SSR1: variants seen among roughly 807,000 people sequenced by gnomAD.
SSR1 encodes signal sequence receptor subunit 1.
SSR1 carries 13 observed loss-of-function variants against 36.1 expected under a neutral mutation model. That is an observed-to-expected ratio of 0.36 (90% confidence interval 0.23 to 0.57). The LOEUF (loss-of-function observed/expected upper bound fraction) is 0.57, where lower values mean the gene tolerates loss of function less well. Ranked by LOEUF, SSR1 falls within the 20% of genes least tolerant of loss-of-function variation. The probability of loss-of-function intolerance (pLI) is 0.81; values close to 1 mark genes in which losing one functional copy is unlikely to be tolerated. For missense variants in SSR1, 291 were observed against 338.5 expected, an observed-to-expected ratio of 0.86 and a Z score of 1.10; for synonymous variants, 113 against 118.9, an observed-to-expected ratio of 0.95 and a Z score of 0.32.
At position 7,289,989 on chromosome 6, in the gene SSR1, A is replaced by T. The variant is rs1302383147; in HGVS notation, c.794-58T>A. On this transcript the variant is annotated intron_variant, in intron 7 of 7. Transcript: ENST00000244763. ...ATTATAAGTATATTGAATTCAAAAG[A>T]CATGTTAAAAAGTATTTACCTTCAA... 4.6e-5 allele frequency: 66 copies of T among 1,421,554 alleles called. 2 individuals carry two copies. The highest frequency in any genetic ancestry group is 2.4e-4 in the South Asian group (17 of 69,656). 88.1% of individuals were successfully genotyped at this position (1,421,554 alleles called of 1,614,324 possible).
chr6:7,293,902 AG>A (rs1233252933), intron 7 of SSR1, among the ~76,000 whole-genome samples: 1 of 152,228 alleles, frequency 6.6e-6, no homozygotes, highest in Non-Finnish European at 1.5e-5. Flanking sequence ...CAAATGAAAC[AG>A]TAAGACACTC....
intron 2 of SSR1, among the ~76,000 whole-genome samples, chr6:7,306,337 G>A (rs933449478): frequency 5.9e-5 from 9 of 151,890 alleles, no homozygotes; most frequent in African/African-American, 1.9e-4. Context: ...TAGAGACAGG[G>A]TTTCACCATG....
chr6:7,303,648 G>A lies in SSR1; in HGVS notation c.193-11C>T. 6.3e-7 allele frequency: 1 copy of A among 1,587,044 alleles called. No individual in the cohort carries two copies. ...CTCTTTATCTTCTACCTAAGAAAAAGAACAATTAAGAGGAGATTACTATGG... is the reference window on the plus strand; with the variant it reads ...CTCTTTATCTTCTACCTAAGAAAAAAAACAATTAAGAGGAGATTACTATGG... On this transcript the variant is annotated splice_polypyrimidine_tract_variant and intron_variant, in intron 2 of 7. Transcript: ENST00000244763.
rs1027066660 is a variant in SSR1, at chr6:7,289,595, C to T, written c.*269G>A. On this transcript the variant is annotated 3_prime_UTR_variant, in exon 8 of 8. Transcript: ENST00000244763. ...TAAAGACTTGTTTCAGGTAGTTCAA[C>T]AATGATTCTGGTAAGACCAACTGCT... 2 of 450,662 alleles carry T rather than the reference C, an allele frequency of 4.4e-6. No homozygotes were observed. The highest frequency in any genetic ancestry group is 7.8e-6 in the Non-Finnish European group (2 of 257,390). 27.9% of individuals were successfully genotyped at this position (450,662 alleles called of 1,614,324 possible). A position where few individuals can be genotyped will look rare whatever the true frequency, so the allele number is the denominator to read the frequency against.
At chr6:7,299,155 A>C (rs915738987) in intron 4 of SSR1, among the ~76,000 whole-genome samples, 1 of 152,178 alleles carries the variant, frequency 6.6e-6, no homozygotes, top group African/African-American at 2.4e-5. Context: ...AAAAAAAGTC[A>C]CCGACTTTGC....
intron 1 of SSR1, among the ~76,000 whole-genome samples, chr6:7,310,363 G>T (rs1012477902): frequency 5.9e-5 from 9 of 151,948 alleles, no homozygotes; most frequent in Admixed American, 2.6e-4. Context: ...GGGTAGCTAG[G>T]ACTAGAGGCG....
intron 7 of SSR1, among the ~76,000 whole-genome samples, chr6:7,293,819 G>A (rs982833886): frequency 2.0e-5 from 3 of 152,196 alleles, no homozygotes; most frequent in African/African-American, 7.2e-5. Flanking sequence ...AACCCAAGCA[G>A]TTCAAACCTG....
chr6:7,309,164 T>C (rs1375586504), intron 2 of SSR1, among the ~76,000 whole-genome samples: 1 of 152,232 alleles, frequency 6.6e-6, no homozygotes, highest in Non-Finnish European at 1.5e-5. Flanking sequence ...TGTATAAGGA[T>C]AAGCTCTAGG....
rs1352013436 is a variant in SSR1, at chr6:7,282,602, T to C, written c.*7262A>G. 2.6e-5 allele frequency: 4 copies of C among 152,270 alleles called. No homozygotes were observed. The East Asian group carries it at 7.7e-4, about 29-fold the overall frequency. 9.4% of individuals were successfully genotyped at this position (152,270 alleles called of 1,614,324 possible). ...AGCCTGTGTGGTCACAGATGCTTACTGGTGGTTCCTGAAATGAGTATTTCT... is the reference window on the plus strand; with the variant it reads ...AGCCTGTGTGGTCACAGATGCTTACCGGTGGTTCCTGAAATGAGTATTTCT... On this transcript the variant is annotated 3_prime_UTR_variant, in exon 8 of 8. Transcript: ENST00000244763.
chr6:7,296,748 A>AT (rs1757805320), intron 6 of SSR1: 1 of 152,250 alleles, frequency 6.6e-6, no homozygotes, highest in Non-Finnish European at 1.5e-5. Context: ...GAGGAGGGAA[A>AT]TAAGGATGTG....
In SSR1 at chr6:7,295,466, T is replaced by C. The variant is rs768670159; in HGVS notation, c.719A>G (p.Lys240Arg). Residue 240 changes from lysine to arginine, a missense_variant, in exon 7 of 8, where the codon AAA (lysine) becomes AGA (arginine). Physicochemically the swap from Lys to Arg is conservative, Grantham distance 26 (BLOSUM62 2). Coordinates refer to ENST00000244763, the MANE Select transcript of SSR1 (RefSeq NM_003144.5). ...ESRKRKRPIQ[K>R]VEMGTSSQND... is the part of the protein sequence containing the mutation. ...CTGACTTGATGTACCCATTTCTACT[T>C]TCTGTATGGGTCTCTTACGCTAAAA... 2 of 1,608,882 alleles carry C rather than the reference T, an allele frequency of 1.2e-6. No homozygotes were observed. Among genetic ancestry groups the C allele is most frequent in the Non-Finnish European group, 1.7e-6 (2 of 1,177,594 alleles).
At chr6:7,303,733 A>G in intron 2 of SSR1, 96 bp from the exon 3 acceptor site, 1 of 910,548 alleles carries the variant, frequency 1.1e-6, no homozygotes, top group South Asian at 1.6e-5. Context: ...GCTCACACTT[A>G]TAATCTCAGC....
chr6:7,297,926 T>C lies in SSR1; in HGVS notation c.696A>G (p.Arg232=). 1 of 1,612,690 alleles carries C rather than the reference T, an allele frequency of 6.2e-7. No individual in the cohort carries two copies. Among genetic ancestry groups the C allele is most frequent in the Non-Finnish European group, 8.5e-7 (1 of 1,179,126 alleles). ...IVGLHQLLES[R]KRKRPIQKVE... ...AGAGGTGTTCATCCATAATTACCTTTCTAGATTCTAGGAGTTGATGAAGGC... is the reference window on the plus strand; with the variant it reads ...AGAGGTGTTCATCCATAATTACCTTCCTAGATTCTAGGAGTTGATGAAGGC... The change falls in exon 6 of 8, where the codon AGA becomes AGG. Residue 232 remains arginine, a synonymous_variant. Coordinates refer to ENST00000244763, the MANE Select transcript of SSR1 (RefSeq NM_003144.5).
rs1200845669 is a variant in SSR1 at position 7,289,946 on chromosome 6, A to T, written c.794-15T>A. The T allele has an allele frequency of 1.3e-6, 2 of 1,532,790 alleles. No individual in the cohort carries two copies. The highest frequency in any genetic ancestry group is 2.5e-5 in the East Asian group (1 of 39,722). 94.9% of individuals were successfully genotyped at this position (1,532,790 alleles called of 1,614,324 possible). ...TGAAGCTTTATCTGGAAGAAAAGAG[A>T]AAGTTTTAAGCTTGCCTATTATAAG... On this transcript the variant is annotated splice_polypyrimidine_tract_variant and intron_variant, in intron 7 of 7. Transcript: ENST00000244763.
intron 4 of SSR1, among the ~76,000 whole-genome samples, chr6:7,300,556 T>C (rs529200072): frequency 2.0e-5 from 3 of 152,330 alleles, no homozygotes; most frequent in Admixed American, 1.3e-4. Context: ...AAAACAATTA[T>C]AGACAGTCTT....
In SSR1 at chr6:7,297,938, G is replaced by C. The variant is rs768677876; in HGVS notation, c.684C>G (p.Leu228=). Reference sequence around the variant, plus strand: ...CCATAATTACCTTTCTAGATTCTAGGAGTTGATGAAGGCCAACAATAACCA... The same window carrying C: ...CCATAATTACCTTTCTAGATTCTAGCAGTTGATGAAGGCCAACAATAACCA... The part of the protein sequence containing the change: ...GLLVIVGLHQ[L]LESRKRKRPI... The change falls in exon 6 of 8, where the codon CTC becomes CTG. Residue 228 remains leucine (L), a synonymous_variant. Coordinates refer to ENST00000244763, the MANE Select transcript of SSR1 (RefSeq NM_003144.5). The C allele has an allele frequency of 1.2e-6, 2 of 1,613,022 alleles. No individual in the cohort carries two copies. The highest frequency in any genetic ancestry group is 4.5e-5 in the East Asian group (2 of 44,816).
intron 3 of SSR1, among the ~76,000 whole-genome samples, chr6:7,303,138 TAAAAAAAA>T (rs35763826): frequency 4.7e-5 from 2 of 42,918 alleles, no homozygotes; most frequent in South Asian, 1.8e-3. Context: ...GACTACATCT[TAAAAAAAA>T]AAAAAAAAAA....
rs1450241711 is a variant in SSR1 at position 7,282,462 on chromosome 6, C to A, written c.*7402G>T. On this transcript the variant is annotated 3_prime_UTR_variant, in exon 8 of 8. Transcript: ENST00000244763. ...GAAGCAGTTCAGACTCAGCTCTGAG[C>A]CCCTTGTGTGGACCACAAGCAGCAC... is the stretch of plus-strand genomic sequence containing the variant. 1 of 152,242 alleles carries A rather than the reference C, an allele frequency of 6.6e-6. No individual in the cohort carries two copies. Among genetic ancestry groups the A allele is most frequent in the Non-Finnish European group, 1.5e-5 (1 of 68,084 alleles). 9.4% of individuals were successfully genotyped at this position (152,242 alleles called of 1,614,324 possible).
chr6:7,311,892 CAAGTT>C (rs1758202385), intron 1 of SSR1, among the ~76,000 whole-genome samples: 1 of 152,020 alleles, frequency 6.6e-6, no homozygotes, highest in Non-Finnish European at 1.5e-5. Context: ...CTACATTTGT[CAAGTT>C]TTCTTTTAAA....
Sources: gnomAD v4.1 joint callset for allele counts (sites outside exome capture counted in the v4.1 genomes callset) on GRCh38, gnomAD v4.1.1 for gene constraint, MANE v1.5 for transcripts, NCBI Gene and HGNC (gene_info 2026-07-23, HGNC 2026-07-21) for gene names.